Variants in STK33 observed in about 807,000 individuals in gnomAD.
STK33 encodes serine/threonine-protein kinase 33.
In STK33, 52 loss-of-function variants were observed where a neutral mutation model predicts 58.0. That is an observed-to-expected ratio of 0.90 (90% CI 0.72 to 1.13). The LOEUF (loss-of-function observed/expected upper bound fraction) is 1.13, where lower values mean the gene tolerates loss of function less well. STK33 is among the 50% of genes most tolerant of loss of function. The pLI is 0.00. For missense variants in STK33, 630 were observed against 604.2 expected, an observed-to-expected ratio of 1.04 and a Z score of -0.45; for synonymous variants, 215 against 200.1, an observed-to-expected ratio of 1.07 and a Z score of -0.63.
At chr11:8,570,388 T>A (rs1344228110) in intron 1 of STK33, among the ~76,000 whole-genome samples, 1 of 152,216 alleles carries the variant, frequency 6.6e-6, no homozygotes, top group East Asian at 1.9e-4. Flanking sequence ...TAATCTATCC[T>A]ATGAATGAAT....
chr11:8,549,348 T>C (rs1243552146), intron 1 of STK33, among the ~76,000 whole-genome samples: 1 of 152,188 alleles, frequency 6.6e-6, no homozygotes, highest in African/African-American at 2.4e-5. Context: ...AATGATCTTT[T>C]CAGTGTGTTG....
chr11:8,533,749 T>C (rs1414025227), intron 1 of STK33, among the ~76,000 whole-genome samples: 1 of 152,148 alleles, frequency 6.6e-6, no homozygotes, highest in African/African-American at 2.4e-5. Flanking sequence ...ATATGTAAAA[T>C]AAAGTTTTAT....
chr11:8,426,615 T>C (rs1002506708), intron 14 of STK33, among the ~76,000 whole-genome samples: 6 of 152,206 alleles, frequency 3.9e-5, no homozygotes, highest in Non-Finnish European at 7.3e-5. Context: ...TCTTAATTTT[T>C]CCAAAGATGT....
At chr11:8,516,570 T>A (rs1408052079) in intron 1 of STK33, among the ~76,000 whole-genome samples, 2 of 152,184 alleles carry the variant, frequency 1.3e-5, no homozygotes, top group African/African-American at 2.4e-5. Flanking sequence ...GCGGGGGAAT[T>A]CCCTTTCCTG....
At chr11:8,400,861 C>T (rs1937756859) in intron 15 of STK33, among the ~76,000 whole-genome samples, 1 of 152,218 alleles carries the variant, frequency 6.6e-6, no homozygotes, top group African/African-American at 2.4e-5. Flanking sequence ...GAGTGAACTC[C>T]CATTCACAAT....
At chr11:8,437,238 A>T (rs1319689873) in intron 12 of STK33, among the ~76,000 whole-genome samples, 1 of 152,236 alleles carries the variant, frequency 6.6e-6, no homozygotes, top group Non-Finnish European at 1.5e-5. Flanking sequence ...TAATACAGAA[A>T]CAATGTACCT....
At chr11:8,520,564 G>C (rs1048221698) in intron 1 of STK33, among the ~76,000 whole-genome samples, 3 of 152,174 alleles carry the variant, frequency 2.0e-5, no homozygotes, top group Non-Finnish European at 4.4e-5. Context: ...GTCCCTGTTT[G>C]CAGATGACAT....
intron 1 of STK33, among the ~76,000 whole-genome samples, chr11:8,520,079 A>T (rs934867753): frequency 1.3e-5 from 2 of 152,220 alleles, no homozygotes; most frequent in Non-Finnish European, 2.9e-5. Context: ...ATGAACATCG[A>T]TGCTAAAATC....
intron 1 of STK33, among the ~76,000 whole-genome samples, chr11:8,586,780 C>A (rs2141482095): frequency 7.5e-6 from 1 of 133,572 alleles, no homozygotes; most frequent in South Asian, 2.5e-4. Flanking sequence ...GCCAAGATCA[C>A]ACCACTGCAC....
chr11:8,577,332 A>T (rs2141263834), intron 1 of STK33, among the ~76,000 whole-genome samples: 1 of 152,278 alleles, frequency 6.6e-6, no homozygotes, highest in East Asian at 1.9e-4. Context: ...GCAGAAGGAA[A>T]AATCAAAGAT....
intron 15 of STK33, among the ~76,000 whole-genome samples, chr11:8,403,667 C>T (rs536734096): frequency 1.3e-5 from 2 of 152,212 alleles, no homozygotes; most frequent in African/African-American, 2.4e-5. Context: ...CCTTACAAGC[C>T]TTCCTCCAGT....
chr11:8,459,230 C>A (rs1947233359), intron 8 of STK33, among the ~76,000 whole-genome samples: 1 of 152,112 alleles, frequency 6.6e-6, no homozygotes, highest in Admixed American at 6.5e-5. Flanking sequence ...CACAAGAAAC[C>A]ATAGCATAGT....
intron 1 of STK33, among the ~76,000 whole-genome samples, chr11:8,554,417 T>G (rs1591769906): frequency 1.3e-5 from 1 of 76,378 alleles, no homozygotes; most frequent in Admixed American, 1.8e-4. Context: ...AGACTCCATC[T>G]CAAAAAAAAA....
intron 15 of STK33, among the ~76,000 whole-genome samples, chr11:8,402,170 T>C (rs572095764): frequency 1.8e-4 from 27 of 152,312 alleles, no homozygotes; most frequent in Admixed American, 1.4e-3. Context: ...TGCACACGTA[T>C]GTTTATTGCG....
chr11:8,463,870 T>G (rs1271379439), intron 7 of STK33, among the ~76,000 whole-genome samples: 1 of 152,134 alleles, frequency 6.6e-6, no homozygotes, highest in Non-Finnish European at 1.5e-5. Context: ...ACACCTTAGG[T>G]AGCACTTAGG....
At chr11:8,515,603 A>C (rs1271233636) in intron 1 of STK33, among the ~76,000 whole-genome samples, 3 of 152,244 alleles carry the variant, frequency 2.0e-5, no homozygotes, top group Admixed American at 6.5e-5. Context: ...TAGCAAACTG[A>C]ATTCAACAGC....
the STK33 span, among the ~76,000 whole-genome samples, chr11:8,368,934 A>G: frequency 6.6e-6 from 1 of 152,208 alleles, no homozygotes; most frequent in African/African-American, 2.4e-5. Flanking sequence ...GTGCTGAGGC[A>G]GCCCCATTAC....
chr11:8,444,465 G>C (rs565606694), intron 11 of STK33, among the ~76,000 whole-genome samples: 1 of 151,940 alleles, frequency 6.6e-6, no homozygotes, highest in Non-Finnish European at 1.5e-5. Flanking sequence ...GTTCACTGTT[G>C]TATTTTTAAT....
At chr11:8,385,261 G>C in the STK33 span, among the ~76,000 whole-genome samples, 1 of 152,166 alleles carries the variant, frequency 6.6e-6, no homozygotes, top group Non-Finnish European at 1.5e-5. Context: ...CATTTACACA[G>C]AAGACAAACG....
Sources: allele counts gnomAD v4.1 joint callset (sites outside exome capture counted in the v4.1 genomes callset), GRCh38; gene constraint gnomAD v4.1.1; transcripts MANE v1.5; gene names NCBI Gene and HGNC (gene_info 2026-07-23, HGNC 2026-07-21).